The following SETD2 variants were observed in gnomAD, a reference collection of about 807,000 sequenced individuals.
SETD2 encodes SET domain containing 2, histone lysine methyltransferase, also known as histone-lysine N-methyltransferase SETD2.
A neutral mutation model predicts 242.1 loss-of-function variants in SETD2; 31 were observed. The ratio of observed to expected loss-of-function variants is 0.13; its 90% confidence interval spans 0.10 to 0.17. The LOEUF (loss-of-function observed/expected upper bound fraction) is 0.17. SETD2 is among the 10% of genes least tolerant of loss of function. SETD2 has a pLI of 1.00. For missense variants in SETD2, 2,481 were observed against 3,046.3 expected (o/e 0.81, Z 4.37); for synonymous variants, 1,006 against 1,066.5 (o/e 0.94, Z 1.11).
At position 47,101,597 on chromosome 3, in the gene SETD2, A is replaced by AGTGTGT. The variant is rs61571386; in HGVS notation, c.4918-48_4918-43dup. On this transcript the variant is annotated intron_variant, in intron 7 of 20. Transcript: ENST00000409792. ...AAACAAAAGAAATTAGTAACTTATT[A>AGTGTGT]GTGTGTGTGTGTGTGTGTGTGTGTG... 2,089 of 733,902 alleles carry AGTGTGT rather than the reference A, an allele frequency of 2.8e-3. 4 individuals carry two copies. Among genetic ancestry groups the AGTGTGT allele is most frequent in the African/African-American group, 6.2e-3 (327 of 52,436 alleles). 45.5% of individuals were successfully genotyped at this position (733,902 alleles called of 1,614,324 possible).
chr3:47,125,638 C>A (rs142743781), intron 2 of SETD2, among the ~76,000 whole-genome samples: 33 of 152,330 alleles, frequency 2.2e-4, no homozygotes, highest in African/African-American at 6.0e-4. Flanking sequence ...GCACATATCA[C>A]TGTCTCTGCC....
chr3:47,038,124 C>A (rs2039105290), intron 17 of SETD2, among the ~76,000 whole-genome samples: 1 of 152,150 alleles, frequency 6.6e-6, no homozygotes, highest in South Asian at 2.1e-4. Context: ...TAGGTCCCTG[C>A]CTATGTCACC....
chr3:47,127,202 C>CA (rs913485456), intron 1 of SETD2, among the ~76,000 whole-genome samples: 2 of 151,620 alleles, frequency 1.3e-5, no homozygotes, highest in South Asian at 2.1e-4. Flanking sequence ...ATAAAAAATA[C>CA]AAAAAAATAG....
At chr3:47,071,454 A>G (rs1350045895) in intron 12 of SETD2, among the ~76,000 whole-genome samples, 3 of 152,212 alleles carry the variant, frequency 2.0e-5, no homozygotes, top group Non-Finnish European at 4.4e-5. Flanking sequence ...ACAGTGCTAC[A>G]TAAACTCAAA....
chr3:47,119,255 C>T (rs1175256773), intron 3 of SETD2, among the ~76,000 whole-genome samples: 1 of 152,014 alleles, frequency 6.6e-6, no homozygotes, highest in Non-Finnish European at 1.5e-5. Context: ...GACTGAGAAG[C>T]CCTGCTCTAG....
intron 12 of SETD2, among the ~76,000 whole-genome samples, chr3:47,080,381 A>G (rs1412973186): frequency 1.3e-5 from 2 of 152,312 alleles, no homozygotes; most frequent in East Asian, 1.9e-4. Context: ...CTAAGTGTTT[A>G]TAAGAGAGGC....
chr3:47,144,666 A>G (rs2043812009), intron 1 of SETD2, among the ~76,000 whole-genome samples: 1 of 151,226 alleles, frequency 6.6e-6, no homozygotes, highest in South Asian at 2.1e-4. Context: ...AAAAATAAGT[A>G]AGTCCAGAAA....
chr3:47,050,015 C>T (rs998156309), intron 15 of SETD2, among the ~76,000 whole-genome samples: 9 of 145,670 alleles, frequency 6.2e-5, no homozygotes, highest in Non-Finnish European at 1.3e-4. Flanking sequence ...TATATATAAA[C>T]ATATATATAT....
At position 47,056,828 on chromosome 3, in the gene SETD2, A is replaced by G. The variant is rs1281517794; in HGVS notation, c.6956T>C (p.Ile2319Thr). Residue 2319 changes from isoleucine (I) to threonine (T), a missense_variant, in exon 15 of 21, where the codon ATT becomes ACT. Ile to Thr is a moderately conservative substitution (Grantham distance 89). Around this residue, in one of 17 missense-constraint regions of SETD2, gnomAD observed 235 missense variants for 293.9 expected, o/e 0.80. Coordinates refer to ENST00000409792, the MANE Select transcript of SETD2 (RefSeq NM_014159.7). ...AGTTTCAGAATTAGTTACCTGTACAATTGGTGGAGTTGTCTGTGAATAAGG... is the reference window on the plus strand; with the variant it reads ...AGTTTCAGAATTAGTTACCTGTACAGTTGGTGGAGTTGTCTGTGAATAAGG... ...TSPYSQTTPPIVQSYAQPSLQ... is the reference protein window; with the variant it reads ...TSPYSQTTPPTVQSYAQPSLQ... 6.2e-7 allele frequency: 1 copy of G among 1,612,206 alleles called. No individual in the cohort carries two copies. Among genetic ancestry groups the G allele is most frequent in the Non-Finnish European group, 8.5e-7 (1 of 1,178,370 alleles).
At chr3:47,045,368 A>C (rs1252617660) in intron 16 of SETD2, among the ~76,000 whole-genome samples, 1 of 151,658 alleles carries the variant, frequency 6.6e-6, no homozygotes, top group East Asian at 2.0e-4. Context: ...AAATACAAAA[A>C]TTAGCCAGGC....
intron 2 of SETD2, 74 bp from the exon 3 acceptor site, chr3:47,124,622 G>T: frequency 7.8e-7 from 1 of 1,275,482 alleles, no homozygotes; most frequent in Non-Finnish European, 1.1e-6. Context: ...AGTTTAAAAT[G>T]TTTACTGGAG....
chr3:47,022,238 T>G (rs2038263852), intron 18 of SETD2, among the ~76,000 whole-genome samples: 1 of 104,090 alleles, frequency 9.6e-6, no homozygotes, highest in South Asian at 3.1e-4. Context: ...CACACAAATT[T>G]AGCACGTGGG....
Position 47,163,941 on chromosome 3 carries a change from C to G in SETD2, c.-17G>C, listed in dbSNP as rs1697588570. ...CTGCTTCATCGGGAGCGGCTGGAGA[C>G]GGCGACGCGAGCCCCCTCCCCGCAG... On this transcript the variant is annotated 5_prime_UTR_variant, in exon 1 of 21. Coordinates refer to ENST00000409792, the MANE Select transcript of SETD2 (RefSeq NM_014159.7). 2 of 1,284,764 alleles carry G rather than the reference C, an allele frequency of 1.6e-6. No homozygotes were observed. Among genetic ancestry groups the G allele is most frequent in the Non-Finnish European group, 2.0e-6 (2 of 1,010,406 alleles). The allele number at this position is 1,284,764 out of a possible 1,614,324, so 79.6% of individuals were successfully genotyped here. A position where few individuals can be genotyped will look rare whatever the true frequency, so the allele number is the denominator to read the frequency against.
rs2107728956 is a variant in SETD2 at position 47,116,734 on chromosome 3, C to A, written c.4475G>T (p.Arg1492Leu). Residue 1492 changes from arginine (R) to leucine (L), a missense_variant, in exon 4 of 21, where the codon CGA (arginine) becomes CTA (leucine). Physicochemically the swap from Arg to Leu is moderately radical, Grantham distance 102. Around this residue, in one of 17 missense-constraint regions of SETD2, gnomAD observed 48 missense variants for 76.6 expected, o/e 0.63. Transcript: ENST00000409792. ...CTCACACTGCATTCGCTTAATATCT[C>A]GATGAGATTTATTCTTCTTTCTATT... ...LTERKKNKSH[R>L]DIKRMQCECT... is the part of the protein sequence containing the mutation. 6.2e-7 allele frequency: 1 copy of A among 1,600,292 alleles called. No individual in the cohort carries two copies. Among genetic ancestry groups the A allele is most frequent in the Non-Finnish European group, 8.5e-7 (1 of 1,170,226 alleles).
intron 1 of SETD2, among the ~76,000 whole-genome samples, chr3:47,151,242 C>G (rs781005292): frequency 6.6e-6 from 1 of 152,074 alleles, no homozygotes; most frequent in Non-Finnish European, 1.5e-5. Context: ...GCTAAGATAG[C>G]CAGGCTTCAA....
chr3:47,142,194 C>T (rs985876064), intron 1 of SETD2, among the ~76,000 whole-genome samples: 18 of 152,136 alleles, frequency 1.2e-4, no homozygotes, highest in African/African-American at 3.6e-4. Flanking sequence ...GTTCTAATTA[C>T]GAACTTTGAT....
chr3:47,036,905 T>A (rs867954304), intron 18 of SETD2, among the ~76,000 whole-genome samples: 15 of 117,888 alleles, frequency 1.3e-4, no homozygotes, highest in African/African-American at 1.8e-4. Flanking sequence ...CCGTCTCATT[T>A]AAAAAAAAAA....
intron 3 of SETD2, among the ~76,000 whole-genome samples, chr3:47,118,832 T>C (rs550499089): frequency 1.3e-5 from 2 of 152,250 alleles, no homozygotes; most frequent in East Asian, 1.9e-4. Context: ...GTTTTATTTA[T>C]ATTCTTTTAC....
chr3:47,049,979 TTATA>T (rs905208591), intron 15 of SETD2, among the ~76,000 whole-genome samples: 2 of 147,118 alleles, frequency 1.4e-5, no homozygotes, highest in Non-Finnish European at 1.5e-5. Context: ...TATGTTTTTC[TTATA>T]TATATAAATT....
Sources: gnomAD v4.1 joint callset for allele counts (sites outside exome capture counted in the v4.1 genomes callset) on GRCh38, gnomAD v4.1.1 for gene constraint, gnomAD v4.1.1 regional missense constraint, MANE v1.5 for transcripts, NCBI Gene and HGNC (gene_info 2026-07-23, HGNC 2026-07-21) for gene names.